Variants in IL1RL2 observed in about 807,000 individuals in gnomAD.
IL1RL2 encodes interleukin-1 receptor-like 2.
IL1RL2 carries 68 observed loss-of-function variants against 66.8 expected under a neutral mutation model. The ratio of observed to expected loss-of-function variants is 1.02; its 90% CI spans 0.84 to 1.25. IL1RL2 has a LOEUF of 1.25. Ranked by LOEUF, IL1RL2 falls within the 50% of genes most tolerant of loss-of-function variation. The probability of loss-of-function intolerance (pLI) is 0.00; values close to 1 mark genes in which losing one functional copy is unlikely to be tolerated. For synonymous variants in IL1RL2, 305 were observed against 264.6 expected (o/e 1.15, Z -1.48); for missense variants, 729 against 709.3 (o/e 1.03, Z -0.32).
chr2:102,213,791 A>T (rs1689383268), intron 6 of IL1RL2, among the ~76,000 whole-genome samples: 2 of 152,212 alleles, frequency 1.3e-5, no homozygotes, highest in Admixed American at 6.5e-5. Context: ...TAGAAGTAGA[A>T]AATAATGAAT....
chr2:102,226,618 G>A (rs76290622), intron 9 of IL1RL2, among the ~76,000 whole-genome samples: 1,771 of 151,952 alleles, frequency 0.012, 14 homozygotes, highest in Non-Finnish European at 0.018. Flanking sequence ...GCTATAGAAA[G>A]GAATAGAGGA....
rs1240547981 is a variant in IL1RL2 at position 102,218,953 on chromosome 2, G to A, written c.725G>A (p.Gly242Asp). 1 of 1,608,300 alleles carries A rather than the reference G, an allele frequency of 6.2e-7. No homozygotes were observed. The highest frequency in any genetic ancestry group is 1.7e-5 in the Admixed American group (1 of 58,856). ...PKNHSIEVQL[G>D]TTLIVDCNVT... ...TATTGATGATATTGGTTTTTTTTAG[G>A]TACCACTCTGATTGTGGACTGCAAT... is the stretch of plus-strand genomic sequence containing the variant. The change falls in exon 7 of 12, where the codon GGT (glycine) becomes GAT (aspartate). Residue 242 changes from glycine (G) to aspartate (D), a missense_variant and splice_region_variant. Transcript: ENST00000264257.
Position 102,218,942 on chromosome 2 carries a change from G to A in IL1RL2, c.725-11G>A, listed in dbSNP as rs373174855. On this transcript the variant is annotated splice_polypyrimidine_tract_variant and intron_variant, in intron 6 of 11. Coordinates refer to ENST00000264257, the MANE Select transcript of IL1RL2 (RefSeq NM_003854.4). ...TTTTCATTGAATATTGATGATATTG[G>A]TTTTTTTTAGGTACCACTCTGATTG... 3 of 1,602,176 alleles carry A rather than the reference G, an allele frequency of 1.9e-6. No individual in the cohort carries two copies. The highest frequency in any genetic ancestry group is 2.6e-6 in the Non-Finnish European group (3 of 1,172,552).
intron 3 of IL1RL2, 63 bp from the exon 4 acceptor site, chr2:102,191,862 G>A (rs1687257308): frequency 8.8e-6 from 10 of 1,136,646 alleles, no homozygotes; most frequent in Admixed American, 2.3e-5. Context: ...TTGAAAATGA[G>A]TGGAATTATT....
Position 102,225,918 on chromosome 2 carries a change from T to C in IL1RL2, c.1012T>C (p.Leu338=). 1 of 1,589,940 alleles carries C rather than the reference T, an allele frequency of 6.3e-7. No homozygotes were observed. The highest frequency in any genetic ancestry group is 8.6e-7 in the Non-Finnish European group (1 of 1,169,358). ...TGTAGCTCCGGATTTTCGAGCTTACTTGATAGGAGGGCTTATCGCCTTGGT... is the reference window on the plus strand; with the variant it reads ...TGTAGCTCCGGATTTTCGAGCTTACCTGATAGGAGGGCTTATCGCCTTGGT... The part of the protein sequence containing the change: ...QLPAPDFRAY[L]IGGLIALVAV... The change falls in exon 9 of 12, where the codon TTG becomes CTG. Residue 338 remains leucine (L), a synonymous_variant. Coordinates refer to ENST00000264257, the MANE Select transcript of IL1RL2 (RefSeq NM_003854.4).
At chr2:102,229,515 T>C (rs953071727) in intron 9 of IL1RL2, among the ~76,000 whole-genome samples, 6 of 152,192 alleles carry the variant, frequency 3.9e-5, no homozygotes, top group African/African-American at 1.4e-4. Flanking sequence ...TCAGCTTCCT[T>C]ACTCATAATT....
At position 102,217,764 on chromosome 2, in the gene IL1RL2, C is replaced by T. The variant is rs34884437; in HGVS notation, c.725-1189C>T. On this transcript the variant is annotated intron_variant, in intron 6 of 11. Transcript: ENST00000264257. The stretch of plus-strand genomic sequence containing the variant: ...ATGAAACTAGACCCCTATCTTTTAA[C>T]ATATTCAAAACTCAACTTGAAATGG... Among the ~76,000 whole-genome samples, 409 of 152,258 alleles carry T rather than the reference C, an allele frequency of 2.7e-3. 1 individual carries two copies. Among genetic ancestry groups the T allele is most frequent in the African/African-American group, 9.1e-3 (380 of 41,576 alleles).
At chr2:102,204,559 G>T (rs76842562) in intron 5 of IL1RL2, among the ~76,000 whole-genome samples, 42,382 of 151,534 alleles carry the variant, frequency 0.28, 6,491 homozygotes, top group East Asian at 0.38. Flanking sequence ...ATATCTGAGT[G>T]CTTCAGTGTT....
At chr2:102,241,297 A>G (rs143644346), downstream of IL1RL2, among the ~76,000 whole-genome samples, 211 of 152,274 alleles carry the variant, frequency 1.4e-3, 7 homozygotes, top group East Asian at 0.033. Flanking sequence ...GGCCCTGTTT[A>G]CTATGTGCTC....
intron 1 of IL1RL2, chr2:102,187,440 G>A (rs1327319575): frequency 9.6e-7 from 1 of 1,042,310 alleles, no homozygotes. Flanking sequence ...GCGCGCAGGG[G>A]AGGCTCCGTG....
intron 8 of IL1RL2, among the ~76,000 whole-genome samples, chr2:102,225,604 G>A (rs997938355): frequency 1.3e-5 from 2 of 152,120 alleles, no homozygotes; most frequent in African/African-American, 4.8e-5. Context: ...AGCAGTTCTC[G>A]TCCAGTTGGG....
At chr2:102,205,701 T>C (rs1210372609) in intron 5 of IL1RL2, among the ~76,000 whole-genome samples, 1 of 152,190 alleles carries the variant, frequency 6.6e-6, no homozygotes, top group Admixed American at 6.5e-5. Flanking sequence ...TTATTAAATG[T>C]CTTGACGTAG....
chr2:102,195,665 TTCTTTCTTTCTTTC>T (rs1687707757), intron 4 of IL1RL2, among the ~76,000 whole-genome samples: 1 of 130,620 alleles, frequency 7.7e-6, no homozygotes, highest in African/African-American at 2.7e-5. Flanking sequence ...CTTTCTTTCT[TTCTTTCTTTCTTTC>T]TTTCTTCTTT....
chr2:102,187,425 C>T, intron 1 of IL1RL2: 1 of 1,094,634 alleles, frequency 9.1e-7, no homozygotes, highest in Non-Finnish European at 1.1e-6. Flanking sequence ...ATCCCGAGGA[C>T]ACAGGCGCGC....
downstream of IL1RL2, among the ~76,000 whole-genome samples, chr2:102,242,966 C>A (rs1444278809): frequency 1.3e-5 from 2 of 152,118 alleles, no homozygotes; most frequent in East Asian, 3.9e-4. Flanking sequence ...CCAAATTTCC[C>A]TCCAGAAAGC....
chr2:102,235,597 G>A (rs1674807100), intron 11 of IL1RL2: 2 of 985,280 alleles, frequency 2.0e-6, no homozygotes, highest in African/African-American at 3.5e-5. Flanking sequence ...TTTAGAAATG[G>A]CAGTGGACAT....
chr2:102,223,381 C>G (rs950142195), intron 8 of IL1RL2, among the ~76,000 whole-genome samples: 5 of 152,140 alleles, frequency 3.3e-5, no homozygotes, highest in African/African-American at 4.8e-5. Context: ...TGGGTGTGCT[C>G]TTCCGTGAAT....
chr2:102,212,079 C>T (rs1689217968), intron 5 of IL1RL2, 21 bp from the exon 6 acceptor site: 1 of 1,585,378 alleles, frequency 6.3e-7, no homozygotes, highest in Non-Finnish European at 8.7e-7. Flanking sequence ...AATGCAATTT[C>T]CTGTGGGTAT....
In IL1RL2 at chr2:102,192,093, T is replaced by C. The variant is rs778142281; in HGVS notation, c.462T>C (p.Cys154=). The part of the protein sequence containing the change: ...LTCHLHFPKS[C]VLGPIKWYKD... Reference sequence around the variant, plus strand: ...GTCATCTGCACTTCCCGAAGAGTTGTGTTTTGGGTCCAATAAAGTGGTATA... The same window carrying C: ...GTCATCTGCACTTCCCGAAGAGTTGCGTTTTGGGTCCAATAAAGTGGTATA... Residue 154 remains cysteine, a synonymous_variant, in exon 4 of 12, where the codon TGT becomes TGC. Coordinates refer to ENST00000264257, the MANE Select transcript of IL1RL2 (RefSeq NM_003854.4). The C allele has an allele frequency of 6.3e-7, 1 of 1,598,674 alleles. No homozygotes were observed. The highest frequency in any genetic ancestry group is 8.5e-7 in the Non-Finnish European group (1 of 1,175,568).
Sources: allele counts gnomAD v4.1 joint callset (sites outside exome capture counted in the v4.1 genomes callset), GRCh38; gene constraint gnomAD v4.1.1; transcripts MANE v1.5; gene names NCBI Gene and HGNC (gene_info 2026-07-23, HGNC 2026-07-21).